Variants in VLDLR observed in about 807,000 individuals in gnomAD.
VLDLR encodes very low-density lipoprotein receptor.
VLDLR carries 81 observed loss-of-function variants against 112.7 expected under a neutral mutation model. The ratio of observed to expected loss-of-function variants is 0.72; its 90% CI spans 0.60 to 0.86. The LOEUF (loss-of-function observed/expected upper bound fraction) is 0.86. VLDLR is among the 40% of genes least tolerant of loss of function. The pLI is 0.00. For missense variants in VLDLR, 1,237 were observed against 1,099.4 expected (o/e 1.13, Z -1.77); for synonymous variants, 436 against 384.8 (o/e 1.13, Z -1.56).
chr9:2,651,492 C>G lies in VLDLR; in HGVS notation c.2329C>G (p.Pro777Ala). The G allele has an allele frequency of 6.2e-7, 1 of 1,612,394 alleles. No homozygotes were observed. The highest frequency in any genetic ancestry group is 8.5e-7 in the Non-Finnish European group (1 of 1,178,606). Residue 777 changes from proline (P) to alanine (A), a missense_variant, in exon 16 of 19, where the codon CCT becomes GCT. Physicochemically the swap from Pro to Ala is conservative, Grantham distance 27. Transcript: ENST00000382100. ...TEISATSGLV[P>A]GGINVTTAVS... ...AATTTCAGCAACTAGTGGACTAGTT[C>G]CTGGAGGTATTGAGTTCAGTACTGC... is the stretch of plus-strand genomic sequence containing the variant.
Position 2,655,216 on chromosome 9 carries a change from G to C in VLDLR, c.*1348G>C, listed in dbSNP as rs542403273. 2.5e-4 allele frequency: 38 copies of C among 152,342 alleles called. No homozygotes were observed. The highest frequency in any genetic ancestry group is 8.9e-4 in the African/African-American group (37 of 41,564). The allele number at this position is 152,342 out of a possible 1,614,324, so 9.4% of individuals were successfully genotyped here. A position where few individuals can be genotyped will look rare whatever the true frequency, so the allele number is the denominator to read the frequency against. ...TTTTTATCCTGGCTGGGATGGGGCA[G>C]ATTCTTACTATGGACAATTTCTGGA... is the stretch of plus-strand genomic sequence containing the variant. On this transcript the variant is annotated 3_prime_UTR_variant, in exon 19 of 19. Transcript: ENST00000382100.
In VLDLR at chr9:2,654,197, G is replaced by C; in HGVS notation, c.*329G>C. 2.9e-6 allele frequency: 1 copy of C among 349,072 alleles called. No homozygotes were observed. The highest frequency in any genetic ancestry group is 2.9e-5 in the South Asian group (1 of 34,690). The allele number at this position is 349,072 out of a possible 1,614,324, so 21.6% of individuals were successfully genotyped here. A position where few individuals can be genotyped will look rare whatever the true frequency, so the allele number is the denominator to read the frequency against. On this transcript the variant is annotated 3_prime_UTR_variant, in exon 19 of 19. Coordinates refer to ENST00000382100, the MANE Select transcript of VLDLR (RefSeq NM_003383.5). ...ACTTGTGCTATAGTGTATACCACCTGTACATACATTGTATAGGCCATCTGT... is the reference window on the plus strand; with the variant it reads ...ACTTGTGCTATAGTGTATACCACCTCTACATACATTGTATAGGCCATCTGT...
rs374167095 is a variant in VLDLR at position 2,645,012 on chromosome 9, A to T, written c.1242A>T (p.Lys414Asn). 1 of 1,614,222 alleles carries T rather than the reference A, an allele frequency of 6.2e-7. No individual in the cohort carries two copies. The highest frequency in any genetic ancestry group is 1.3e-5 in the African/African-American group (1 of 75,060). Residue 414 changes from lysine to asparagine, a missense_variant, in exon 9 of 19, where the codon AAA becomes AAT. By Grantham distance (94) the Lys-to-Asn change is moderately conservative (BLOSUM62 0). Transcript: ENST00000382100. ...GCAGTCAAATTTGTATCAACTTAAA[A>T]GGCGGTTACAAGTGTGAATGTAGTC... ...GICSQICINL[K>N]GGYKCECSRG...
intron 14 of VLDLR, 112 bp downstream of exon 14, chr9:2,648,922 T>G (rs538819944): frequency 7.3e-7 from 1 of 1,363,446 alleles, no homozygotes; most frequent in South Asian, 1.2e-5. Context: ...AAAGGGAACT[T>G]TTGCCCTCCT....
intron 1 of VLDLR, among the ~76,000 whole-genome samples, chr9:2,633,283 T>C (rs1021257977): frequency 7.2e-5 from 11 of 152,218 alleles, no homozygotes; most frequent in African/African-American, 2.7e-4. Flanking sequence ...AGGATTTTAA[T>C]AGAATTTATT....
intron 2 of VLDLR, among the ~76,000 whole-genome samples, chr9:2,639,001 C>A (rs568428878): frequency 6.6e-6 from 1 of 152,292 alleles, no homozygotes; most frequent in African/African-American, 2.4e-5. Context: ...CCCTGTAGAC[C>A]AGTATGGGTG....
At chr9:2,632,765 G>C (rs1817413138) in intron 1 of VLDLR, among the ~76,000 whole-genome samples, 1 of 152,146 alleles carries the variant, frequency 6.6e-6, no homozygotes, top group African/African-American at 2.4e-5. Context: ...TAGTGTCTGA[G>C]CTCTCCCTCT....
chr9:2,631,195 A>G (rs531676178), intron 1 of VLDLR, among the ~76,000 whole-genome samples: 3 of 152,360 alleles, frequency 2.0e-5, no homozygotes, highest in African/African-American at 7.2e-5. Context: ...GAGAAAAGGG[A>G]AGTCTTATAC....
intron 1 of VLDLR, among the ~76,000 whole-genome samples, chr9:2,634,680 TCTC>T (rs1817523372): frequency 6.6e-6 from 1 of 152,184 alleles, no homozygotes. Context: ...TTTCCTTTCC[TCTC>T]CTCTTTAAAT....
chr9:2,632,727 C>T (rs1817410958), intron 1 of VLDLR, among the ~76,000 whole-genome samples: 1 of 152,046 alleles, frequency 6.6e-6, no homozygotes, highest in Admixed American at 6.6e-5. Flanking sequence ...GTGTTCCAGT[C>T]AGGTGGCTAA....
intron 7 of VLDLR, among the ~76,000 whole-genome samples, chr9:2,644,304 G>A (rs1274705189): frequency 1.1e-4 from 16 of 147,948 alleles, no homozygotes; most frequent in Admixed American, 4.1e-4. Context: ...GACTATAGGC[G>A]CCCACCACCA....
At chr9:2,639,304 C>G (rs1817731479) in intron 2 of VLDLR, among the ~76,000 whole-genome samples, 1 of 152,182 alleles carries the variant, frequency 6.6e-6, no homozygotes, top group African/African-American at 2.4e-5. Context: ...GCTCTGGTTT[C>G]TTTTTATGAG....
At chr9:2,622,345 T>A in intron 1 of VLDLR, 74 bp downstream of exon 1, 1 of 1,315,950 alleles carries the variant, frequency 7.6e-7, no homozygotes, top group Non-Finnish European at 9.8e-7. Context: ...GGCGTAGGTC[T>A]CCGTTTGCCC....
chr9:2,641,337 TC>T, intron 3 of VLDLR, 39 bp from the exon 4 acceptor site: 2 of 1,613,458 alleles, frequency 1.2e-6, no homozygotes, highest in Non-Finnish European at 1.7e-6. Context: ...TTTGCATTGA[TC>T]AGTTCTGAGG....
chr9:2,651,271 C>T (rs1427520809), intron 15 of VLDLR, 144 bp from the exon 16 acceptor site: 1 of 666,802 alleles, frequency 1.5e-6, no homozygotes, highest in African/African-American at 1.8e-5. Context: ...TCAATGTTGA[C>T]ACATCAGCTG....
At chr9:2,641,163 A>G (rs767974173) in intron 3 of VLDLR, among the ~76,000 whole-genome samples, 3 of 152,194 alleles carry the variant, frequency 2.0e-5, no homozygotes, top group Non-Finnish European at 4.4e-5. Context: ...GACGTGGTCA[A>G]AGCTGTCACG....
At chr9:2,626,779 T>A (rs887644114) in intron 1 of VLDLR, among the ~76,000 whole-genome samples, 2 of 148,860 alleles carry the variant, frequency 1.3e-5, no homozygotes, top group Admixed American at 1.4e-4. Flanking sequence ...TAACAAAGCC[T>A]CGGCGATAGA....
chr9:2,629,353 A>C (rs988047706), intron 1 of VLDLR, among the ~76,000 whole-genome samples: 3 of 152,400 alleles, frequency 2.0e-5, no homozygotes, highest in African/African-American at 7.2e-5. Flanking sequence ...GGAATTCTAG[A>C]AACATTTTTA....
Position 2,649,050 on chromosome 9 carries a change from C to G in VLDLR, c.2104+240C>G, listed in dbSNP as rs143501479. Among the ~76,000 whole-genome samples the G allele has an allele frequency of 7.3e-3, 1,106 of 152,320 alleles. 17 individuals are homozygous for G. The highest frequency in any genetic ancestry group is 0.024 in the African/African-American group (994 of 41,564). On this transcript the variant is annotated intron_variant, in intron 14 of 18. Coordinates refer to ENST00000382100, the MANE Select transcript of VLDLR (RefSeq NM_003383.5). ...AGCCTCAGTGTCAGAGCTTTTATTTCTGTTTCATTCATGTCCCCTTGGCCT... is the reference window on the plus strand; with the variant it reads ...AGCCTCAGTGTCAGAGCTTTTATTTGTGTTTCATTCATGTCCCCTTGGCCT...
Sources: allele counts gnomAD v4.1 joint callset (sites outside exome capture counted in the v4.1 genomes callset), GRCh38; gene constraint gnomAD v4.1.1; transcripts MANE v1.5; gene names NCBI Gene and HGNC (gene_info 2026-07-23, HGNC 2026-07-21).